MAP7: variants seen among roughly 807,000 people sequenced by gnomAD.
MAP7 encodes microtubule associated protein 7.
Under a neutral mutation model 94.8 loss-of-function variants are expected in MAP7, and 52 were observed. The ratio of observed to expected loss-of-function variants is 0.55; its 90% CI spans 0.44 to 0.69. MAP7 has a LOEUF of 0.69. Ranked by LOEUF, MAP7 falls within the 30% of genes least tolerant of loss-of-function variation. MAP7 has a pLI of 0.00. For synonymous variants in MAP7, 350 were observed against 357.0 expected, an observed-to-expected ratio of 0.98 and a Z score of 0.22; for missense variants, 940 against 964.6, an observed-to-expected ratio of 0.97 and a Z score of 0.34.
At chr6:136,456,795 GAAGAAGAAGAAGAAGAAGAAGAAGA>G in intron 1 of MAP7, among the ~76,000 whole-genome samples, 1 of 67,798 alleles carries the variant, frequency 1.5e-5, no homozygotes, top group Non-Finnish European at 3.4e-5. Flanking sequence ...AGAAGAAGAA[GAAGAAGAAGAAGAAGAAGAAGAAGA>G]AGGAAGAAGA....
chr6:136,350,885 A>G (rs755218876), intron 16 of MAP7, among the ~76,000 whole-genome samples: 2 of 152,140 alleles, frequency 1.3e-5, no homozygotes, highest in Non-Finnish European at 1.5e-5. Flanking sequence ...CAAAATAAAG[A>G]CAGGAATAAG....
At chr6:136,536,616 A>G (rs1456757858) in intron 1 of MAP7, among the ~76,000 whole-genome samples, 1 of 152,256 alleles carries the variant, frequency 6.6e-6, no homozygotes, top group Non-Finnish European at 1.5e-5. Flanking sequence ...TGCTGGAAAT[A>G]GTACTAGCTG....
intron 15 of MAP7, 113 bp from the exon 16 acceptor site, chr6:136,356,907 G>A (rs966810139): frequency 5.9e-5 from 46 of 782,176 alleles, no homozygotes; most frequent in Admixed American, 2.0e-4. Flanking sequence ...CTTAAGTGAT[G>A]TGAGACCTTG....
At chr6:136,372,691 G>A in intron 7 of MAP7, 66 bp from the exon 8 acceptor site, 1 of 1,607,422 alleles carries the variant, frequency 6.2e-7, no homozygotes. Context: ...GAGTGCCAGA[G>A]GAGCAGTTGA....
At chr6:136,413,024 T>C (rs575653272) in intron 2 of MAP7, among the ~76,000 whole-genome samples, 81 of 151,938 alleles carry the variant, frequency 5.3e-4, no homozygotes, top group Non-Finnish European at 1.1e-3. Flanking sequence ...TAACCAGGTA[T>C]GGCAGCGTGC....
Position 136,389,438 on chromosome 6 carries a change from C to T in MAP7, c.324G>A (p.Lys108=), listed in dbSNP as rs1414931730. 8.1e-6 allele frequency: 13 copies of T among 1,604,138 alleles called. No homozygotes were observed. The African/African-American group carries it at 1.1e-4, about 13-fold the overall frequency. Residue 108 remains lysine (K), a synonymous_variant, in exon 4 of 18, where the codon AAG becomes AAA. Coordinates refer to ENST00000354570, the MANE Select transcript of MAP7 (RefSeq NM_003980.6). The part of the protein sequence containing the change: ...HYEKHLEERK[K]RLEEQRQKEE... ...CCTTCTGCCTCTGCTCCTCCAACCTCTTCTTCCGCTCTTCCAGGTGCTTCT... is the reference window on the plus strand; with the variant it reads ...CCTTCTGCCTCTGCTCCTCCAACCTTTTCTTCCGCTCTTCCAGGTGCTTCT...
At chr6:136,402,399 T>C (rs916320694) in intron 3 of MAP7, among the ~76,000 whole-genome samples, 5 of 152,170 alleles carry the variant, frequency 3.3e-5, no homozygotes, top group African/African-American at 9.7e-5. Flanking sequence ...CTTCTCAACT[T>C]GTCATTAAAA....
chr6:136,474,008 A>C (rs949667994), intron 1 of MAP7, among the ~76,000 whole-genome samples: 2 of 152,000 alleles, frequency 1.3e-5, no homozygotes, highest in African/African-American at 2.4e-5. Context: ...GGGGGTGGTC[A>C]GGGAGGGCCT....
intron 1 of MAP7, chr6:136,526,651 G>A (rs1827952963): frequency 3.0e-6 from 3 of 985,506 alleles, no homozygotes; most frequent in Non-Finnish European, 3.6e-6. Context: ...CAGCGGCAGC[G>A]CAGCAGGATG....
intron 1 of MAP7, among the ~76,000 whole-genome samples, chr6:136,453,068 G>A (rs1420552430): frequency 6.6e-6 from 1 of 152,118 alleles, no homozygotes; most frequent in Non-Finnish European, 1.5e-5. Context: ...GTATTCCCTA[G>A]GCATCTCTCA....
chr6:136,402,155 G>A (rs1328154225), intron 3 of MAP7, among the ~76,000 whole-genome samples: 2 of 152,158 alleles, frequency 1.3e-5, no homozygotes, highest in African/African-American at 4.8e-5. Flanking sequence ...AGCCTTTCCT[G>A]ATGACCACAG....
intron 1 of MAP7, among the ~76,000 whole-genome samples, chr6:136,503,211 C>T (rs938051605): frequency 6.6e-6 from 1 of 152,268 alleles, no homozygotes; most frequent in Middle Eastern, 3.4e-3. Flanking sequence ...CCTTTCCCTC[C>T]TTTATTCTGA....
At chr6:136,410,517 A>C (rs1298959803) in intron 3 of MAP7, among the ~76,000 whole-genome samples, 1 of 152,226 alleles carries the variant, frequency 6.6e-6, no homozygotes, top group Non-Finnish European at 1.5e-5. Context: ...CAGGGAACCC[A>C]TCAGGCCAGG....
At chr6:136,392,119 C>T (rs779548453) in intron 3 of MAP7, among the ~76,000 whole-genome samples, 17 of 152,192 alleles carry the variant, frequency 1.1e-4, no homozygotes, top group South Asian at 2.1e-4. Context: ...ACTCTGTTGC[C>T]CAGGCTGGAG....
chr6:136,477,348 A>T (rs976525963), intron 1 of MAP7, among the ~76,000 whole-genome samples: 16 of 152,236 alleles, frequency 1.1e-4, no homozygotes, highest in African/African-American at 3.9e-4. Flanking sequence ...ATGTAATATC[A>T]TGAACTACAA....
chr6:136,477,984 T>C (rs1205913811), intron 1 of MAP7, among the ~76,000 whole-genome samples: 1 of 152,074 alleles, frequency 6.6e-6, no homozygotes, highest in African/African-American at 2.4e-5. Flanking sequence ...AGAATAAAAC[T>C]AGAAACCAAT....
At chr6:136,496,036 C>T (rs1365138023) in intron 1 of MAP7, among the ~76,000 whole-genome samples, 1 of 152,142 alleles carries the variant, frequency 6.6e-6, no homozygotes, top group Non-Finnish European at 1.5e-5. Flanking sequence ...CCTTAAGCTA[C>T]AAATTATAAA....
intron 16 of MAP7, among the ~76,000 whole-genome samples, chr6:136,353,586 C>A (rs1451666822): frequency 1.3e-5 from 2 of 152,184 alleles, no homozygotes; most frequent in African/African-American, 4.8e-5. Flanking sequence ...CAGGGTCTCG[C>A]TCTGTCACTC....
At chr6:136,538,166 G>A (rs1829032693) in intron 1 of MAP7, among the ~76,000 whole-genome samples, 1 of 152,140 alleles carries the variant, frequency 6.6e-6, no homozygotes, top group East Asian at 1.9e-4. Flanking sequence ...TCACCCACAT[G>A]CCCACACACC....
Sources: gnomAD v4.1 joint callset for allele counts (sites outside exome capture counted in the v4.1 genomes callset) on GRCh38, gnomAD v4.1.1 for gene constraint, MANE v1.5 for transcripts, NCBI Gene and HGNC (gene_info 2026-07-23, HGNC 2026-07-21) for gene names.